Variants in SLC6A4 observed in about 807,000 individuals in gnomAD.
SLC6A4 encodes solute carrier family 6 member 4.
In SLC6A4, 22 loss-of-function variants were observed where a neutral mutation model predicts 73.4. That is an observed-to-expected ratio of 0.30 (90% confidence interval 0.21 to 0.43). The LOEUF is 0.43. SLC6A4 is among the 20% of genes least tolerant of loss of function. The pLI, the probability that SLC6A4 is intolerant of heterozygous loss-of-function variation, is 1.00. For missense variants in SLC6A4, 593 were observed against 808.5 expected (o/e 0.73, Z 3.23); for synonymous variants, 270 against 315.5 (o/e 0.86, Z 1.53).
intron 3 of SLC6A4, among the ~76,000 whole-genome samples, chr17:30,220,704 C>T (rs187498247): frequency 5.2e-4 from 79 of 152,278 alleles, no homozygotes; most frequent in Non-Finnish European, 8.8e-4. Context: ...TTTTCCCTTA[C>T]GCAGGCCTAC....
In SLC6A4 at chr17:30,222,898, G is replaced by T; in HGVS notation, c.-203C>A. ...TCTGCAAGAGAGGGCAAGCAAGGTC[G>T]CCTTGCCTCCAGGAGACCTAGGGAG... On this transcript the variant is annotated 5_prime_UTR_variant, in exon 2 of 15. Transcript: ENST00000650711. The T allele has an allele frequency of 1.6e-6, 2 of 1,239,568 alleles. No homozygotes were observed. The highest frequency in any genetic ancestry group is 2.1e-6 in the Non-Finnish European group (2 of 930,560). The allele number at this position is 1,239,568 out of a possible 1,614,324, so 76.8% of individuals were successfully genotyped here. A position where few individuals can be genotyped will look rare whatever the true frequency, so the allele number is the denominator to read the frequency against.
Position 30,210,598 on chromosome 17 carries a change from G to A in SLC6A4, c.1366C>T (p.His456Tyr), listed in dbSNP as rs1250876597. 6.2e-7 allele frequency: 1 copy of A among 1,613,770 alleles called. No homozygotes were observed. Among genetic ancestry groups the A allele is most frequent in the Non-Finnish European group, 8.5e-7 (1 of 1,179,884 alleles). ...CGCTCCCGGCGCTTGGCCCAGACGT[G>A]TGGGAACTCATCCAGCACAGCCGTG... ...VITAVLDEFP[H>Y]VWAKRRERFV... Residue 456 changes from histidine (H) to tyrosine (Y), a missense_variant, in exon 11 of 15, where the codon CAC becomes TAC. Coordinates refer to ENST00000650711, the MANE Select transcript of SLC6A4 (RefSeq NM_001045.6).
At chr17:30,228,291 G>A (rs1364867261) in intron 1 of SLC6A4, among the ~76,000 whole-genome samples, 2 of 152,200 alleles carry the variant, frequency 1.3e-5, no homozygotes, top group African/African-American at 4.8e-5. Flanking sequence ...ACTTCCTAAA[G>A]GCTGTCGTGG....
intron 1 of SLC6A4, among the ~76,000 whole-genome samples, chr17:30,234,406 A>T (rs769278801): frequency 6.6e-6 from 1 of 152,200 alleles, no homozygotes; most frequent in Non-Finnish European, 1.5e-5. Flanking sequence ...CTCAATTTGC[A>T]CAAACCTCAT....
Position 30,210,605 on chromosome 17 carries a change from C to T in SLC6A4, c.1359G>A (p.Glu453=), listed in dbSNP as rs770426786. The T allele has an allele frequency of 1.9e-6, 3 of 1,613,750 alleles. No homozygotes were observed. The Admixed American group carries it at 5.0e-5, about 27-fold the overall frequency. ...GGCGCTTGGCCCAGACGTGTGGGAACTCATCCAGCACAGCCGTGATCACCC... is the reference window on the plus strand; with the variant it reads ...GGCGCTTGGCCCAGACGTGTGGGAATTCATCCAGCACAGCCGTGATCACCC... ...LEGVITAVLD[E]FPHVWAKRRE... is the part of the protein sequence containing the mutation. The change falls in exon 11 of 15, where the codon GAG becomes GAA. Residue 453 remains glutamate, a synonymous_variant. Transcript: ENST00000650711.
rs754635080 is a variant in SLC6A4, at chr17:30,221,781, G to A, written c.178C>T (p.Arg60Trp). The A allele has an allele frequency of 7.9e-5, 127 of 1,614,016 alleles. No individual in the cohort carries two copies. The highest frequency in any genetic ancestry group is 1.8e-4 in the Admixed American group (11 of 60,010). ...VPSPGAGDDTRHSIPATTTTL... is the reference protein window; with the variant it reads ...VPSPGAGDDTWHSIPATTTTL... ...GTGGTGGTCGCTGGGATAGAGTGCC[G>A]TGTGTCATCTCCCGCACCAGGACTT... Residue 60 changes from arginine to tryptophan, a missense_variant, in exon 3 of 15, where the codon CGG becomes TGG. Physicochemically the swap from Arg to Trp is moderately radical, Grantham distance 101 (BLOSUM62 -3). Transcript: ENST00000650711.
intron 8 of SLC6A4, 91 bp from the exon 9 acceptor site, chr17:30,212,958 A>G: frequency 4.3e-6 from 6 of 1,409,242 alleles, no homozygotes; most frequent in Non-Finnish European, 5.9e-6. Context: ...TGCCTTAGAC[A>G]GGGCGGCCAC....
In SLC6A4 at chr17:30,222,090, A is replaced by G; in HGVS notation, c.-123-9T>C. On this transcript the variant is annotated splice_polypyrimidine_tract_variant and intron_variant, in intron 2 of 14. Coordinates refer to ENST00000650711, the MANE Select transcript of SLC6A4 (RefSeq NM_001045.6). ...ACACGTCGGGATTGACTCTGTTGGAAAGACACACAGAGGAAGGAGAAAAAA... is the reference window on the plus strand; with the variant it reads ...ACACGTCGGGATTGACTCTGTTGGAGAGACACACAGAGGAAGGAGAAAAAA... The G allele has an allele frequency of 6.5e-7, 1 of 1,546,284 alleles. No individual in the cohort carries two copies. The highest frequency in any genetic ancestry group is 1.2e-5 in the South Asian group (1 of 84,380).
intron 14 of SLC6A4, among the ~76,000 whole-genome samples, chr17:30,201,922 G>C (rs572048665): frequency 6.6e-6 from 1 of 152,142 alleles, no homozygotes; most frequent in East Asian, 1.9e-4. Context: ...GGGCAACATA[G>C]TGAGATCTTG....
intron 1 of SLC6A4, among the ~76,000 whole-genome samples, chr17:30,223,953 G>C (rs2143015769): frequency 6.6e-6 from 1 of 152,142 alleles, no homozygotes; most frequent in East Asian, 1.9e-4. Context: ...CAGGCCAAGG[G>C]ATATTATTAT....
Position 30,230,045 on chromosome 17 carries a change from A to AAAGAAGAAGAAGAAGAAGAAG in SLC6A4, c.-221+5547_-221+5567dup, listed in dbSNP as rs1189804200. On this transcript the variant is annotated intron_variant, in intron 1 of 14. Transcript: ENST00000650711. ...AAAAAAGAAGAAGAAGAAAAAGAAG[A>AAAGAAGAAGAAGAAGAAGAAG]AAGAAGAAGAAGAAGAAGAAGAAGA... Among the ~76,000 whole-genome samples the AAAGAAGAAGAAGAAGAAGAAG allele has an allele frequency of 4.1e-3, 458 of 111,122 alleles. 1 individual carries two copies. The highest frequency in any genetic ancestry group is 0.029 in the East Asian group (103 of 3,588). 72.9% of individuals were successfully genotyped at this position (111,122 alleles called of 152,430 possible).
intron 13 of SLC6A4, among the ~76,000 whole-genome samples, chr17:30,203,957 C>T (rs949286205): frequency 6.6e-6 from 1 of 152,216 alleles, no homozygotes; most frequent in African/African-American, 2.4e-5. Flanking sequence ...GCTGCATCGC[C>T]TGGAGTTTCA....
At chr17:30,222,983 C>T in intron 1 of SLC6A4, 68 bp from the exon 2 acceptor site, 1 of 482,904 alleles carries the variant, frequency 2.1e-6, no homozygotes, top group Non-Finnish European at 3.9e-6. Flanking sequence ...TGTGCCTCCA[C>T]TGGGAGGGCC....
rs1222693893 is a variant in SLC6A4 at position 30,203,300 on chromosome 17, G to A, written c.1690C>T (p.Arg564Ter). ...CSFLMSPPQL[R>*]LFQYNYPYWS... ...TAAGGATAATTATATTGGAAAAGTC[G>A]TAGTTGTGGCGGGCTCATCAGAAAA... is the stretch of plus-strand genomic sequence containing the variant. Residue 564 changes from arginine (R) to a stop codon, truncating the protein, a stop_gained, in exon 14 of 15, where the codon CGA (arginine) becomes TGA (stop). Transcript: ENST00000650711. LOFTEE classifies it high-confidence loss of function. 5 of 1,613,960 alleles carry A rather than the reference G, an allele frequency of 3.1e-6. No homozygotes were observed. The highest frequency in any genetic ancestry group is 2.2e-5 in the East Asian group (1 of 44,894).
intron 11 of SLC6A4, among the ~76,000 whole-genome samples, chr17:30,210,011 C>T (rs765427534): frequency 5.4e-4 from 82 of 151,938 alleles, no homozygotes; most frequent in Admixed American, 9.8e-4. Flanking sequence ...CACTCCAGGG[C>T]CATCGGGGTC....
chr17:30,217,162 T>A lies in SLC6A4; in HGVS notation c.837+4A>T, dbSNP rs1906603822. On this transcript the variant is annotated splice_donor_region_variant and intron_variant, in intron 6 of 14. Coordinates refer to ENST00000650711, the MANE Select transcript of SLC6A4 (RefSeq NM_001045.6). The stretch of plus-strand genomic sequence containing the variant: ...CCTGGGTCAGCAGCCAGAGCCTTCC[T>A]CACCTTGCCAGAGGTCTTGACGCCT... The A allele has an allele frequency of 6.2e-7, 1 of 1,613,194 alleles. No individual in the cohort carries two copies. Among genetic ancestry groups the A allele is most frequent in the Non-Finnish European group, 8.5e-7 (1 of 1,179,522 alleles).
At chr17:30,201,446 T>A (rs1906033675) in intron 14 of SLC6A4, among the ~76,000 whole-genome samples, 1 of 152,158 alleles carries the variant, frequency 6.6e-6, no homozygotes, top group South Asian at 2.1e-4. Context: ...TGGCATTCCC[T>A]TGTGGCCAAC....
At chr17:30,207,933 A>G in intron 12 of SLC6A4, 101 bp from the exon 13 acceptor site, 1 of 790,528 alleles carries the variant, frequency 1.3e-6, no homozygotes, top group Non-Finnish European at 2.1e-6. Flanking sequence ...CAGGATCAGC[A>G]CTGGGAATGA....
intron 8 of SLC6A4, among the ~76,000 whole-genome samples, chr17:30,213,456 C>G (rs1906453281): frequency 6.6e-6 from 1 of 152,036 alleles, no homozygotes; most frequent in African/African-American, 2.4e-5. Flanking sequence ...GCGCCCACGA[C>G]CACGCCTGGC....
Sources: gnomAD v4.1 joint callset for allele counts (sites outside exome capture counted in the v4.1 genomes callset) on GRCh38, gnomAD v4.1.1 for gene constraint, MANE v1.5 for transcripts, NCBI Gene and HGNC (gene_info 2026-07-23, HGNC 2026-07-21) for gene names.